The following HMGCS1 variants were observed in gnomAD, a reference collection of about 807,000 sequenced individuals.
HMGCS1 encodes the protein 3-hydroxy-3-methylglutaryl-CoA synthase 1.
HMGCS1 carries 9 observed loss-of-function variants against 52.3 expected under a neutral mutation model. The observed-to-expected ratio is 0.17, with a 90% confidence interval of 0.10 to 0.30. The LOEUF (loss-of-function observed/expected upper bound fraction) is 0.30, where lower values mean the gene tolerates loss of function less well. Ranked by LOEUF, HMGCS1 falls within the 10% of genes least tolerant of loss-of-function variation. HMGCS1 has a pLI of 1.00. For missense variants in HMGCS1, 320 were observed against 620.9 expected (o/e 0.52, Z 5.15); for synonymous variants, 176 against 214.4 (o/e 0.82, Z 1.57).
chr5:43,304,340 G>T (rs1046841237), intron 2 of HMGCS1, among the ~76,000 whole-genome samples: 3 of 152,182 alleles, frequency 2.0e-5, no homozygotes, highest in African/African-American at 7.2e-5. Flanking sequence ...TGGCTCAGTG[G>T]TTTTTAACAC....
At position 43,291,079 on chromosome 5, in the gene HMGCS1, A is replaced by ACCCCCACCCCCATCCCC; in HGVS notation, c.*51_*52insGGGGATGGGGGTGGGGG. On this transcript the variant is annotated 3_prime_UTR_variant, in exon 11 of 11. Transcript: ENST00000325110. ...ATCCCATTCCTCCAACTGTTCCCAT[A>ACCCCCACCCCCATCCCC]CCCCCACCCCATGCCCACCCCACCC... 2 of 780,104 alleles carry ACCCCCACCCCCATCCCC rather than the reference A, an allele frequency of 2.6e-6. No individual in the cohort carries two copies. The highest frequency in any genetic ancestry group is 2.6e-5 in the East Asian group (1 of 38,716). 48.3% of individuals were successfully genotyped at this position (780,104 alleles called of 1,614,324 possible).
At position 43,290,147 on chromosome 5, in the gene HMGCS1, T is replaced by C. The variant is rs1753677322; in HGVS notation, c.*984A>G. The C allele has an allele frequency of 6.6e-6, 1 of 151,686 alleles. No individual in the cohort carries two copies. The highest frequency in any genetic ancestry group is 2.4e-5 in the African/African-American group (1 of 41,154). The allele number at this position is 151,686 out of a possible 1,614,324, so 9.4% of individuals were successfully genotyped here. On this transcript the variant is annotated 3_prime_UTR_variant, in exon 11 of 11. Coordinates refer to ENST00000325110, the MANE Select transcript of HMGCS1 (RefSeq NM_001098272.3). ...AGCTGTGTTACACCATGAATTTAGG[T>C]TGTCAGCCTCTATGTTGAATTTATA...
intron 2 of HMGCS1, among the ~76,000 whole-genome samples, chr5:43,304,030 G>C (rs1339050889): frequency 6.6e-6 from 1 of 152,174 alleles, no homozygotes; most frequent in Non-Finnish European, 1.5e-5. Context: ...TGATAAAGTT[G>C]GTGCCCACTT....
At chr5:43,306,981 C>A (rs1754609041) in intron 2 of HMGCS1, among the ~76,000 whole-genome samples, 1 of 152,014 alleles carries the variant, frequency 6.6e-6, no homozygotes, top group African/African-American at 2.4e-5. Context: ...AAGAGAAGCA[C>A]TCCCTGACAA....
intron 2 of HMGCS1, among the ~76,000 whole-genome samples, chr5:43,299,673 AAATC>A (rs3086309): frequency 0.54 from 79,826 of 148,718 alleles, 22,053 homozygotes; most frequent in Middle Eastern, 0.67. Context: ...GAAAAAGTAA[AAATC>A]AATCAATCAA....
intron 1 of HMGCS1, among the ~76,000 whole-genome samples, chr5:43,308,135 C>T (rs1266861559): frequency 6.6e-6 from 1 of 152,100 alleles, no homozygotes; most frequent in East Asian, 1.9e-4. Context: ...CCAATTGAGG[C>T]TTTAAACCAA....
intron 6 of HMGCS1, 79 bp from the exon 7 acceptor site, chr5:43,294,940 T>C: frequency 1.1e-6 from 1 of 892,242 alleles, no homozygotes; most frequent in Non-Finnish European, 1.7e-6. Flanking sequence ...TAATTAGGAT[T>C]CAAATCTTTA....
Position 43,291,178 on chromosome 5 carries a change from T to G in HMGCS1, c.1516A>C (p.Thr506Pro), listed in dbSNP as rs1561106797. ...PAKKVPRLPA[T>P]AAEPEAAVIS... ...ACAGCTGCTTCAGGTTCTGCTGCTG[T>G]GGCAGGGAGTCTTGGTACTTTCTTG... The change falls in exon 11 of 11, where the codon ACA becomes CCA. Residue 506 changes from threonine to proline, a missense_variant. This residue lies in a region of HMGCS1 where 213 missense variants were observed against 337.4 expected (regional missense o/e 0.63). Coordinates refer to ENST00000325110, the MANE Select transcript of HMGCS1 (RefSeq NM_001098272.3). 1 of 1,602,168 alleles carries G rather than the reference T, an allele frequency of 6.2e-7. No individual in the cohort carries two copies. The highest frequency in any genetic ancestry group is 8.5e-7 in the Non-Finnish European group (1 of 1,172,878).
Position 43,294,173 on chromosome 5 carries a change from T to C in HMGCS1, c.1077-11A>G. The C allele has an allele frequency of 6.5e-7, 1 of 1,528,170 alleles. No individual in the cohort carries two copies. The highest frequency in any genetic ancestry group is 1.1e-5 in the South Asian group (1 of 89,394). The allele number at this position is 1,528,170 out of a possible 1,614,324, so 94.7% of individuals were successfully genotyped here. A position where few individuals can be genotyped will look rare whatever the true frequency, so the allele number is the denominator to read the frequency against. ...TGCTGAGGTGAGTACCTATGTAGGG[T>C]GTAACAATAGTTCAGAAGTTTAACT... On this transcript the variant is annotated splice_polypyrimidine_tract_variant and intron_variant, in intron 7 of 10. Transcript: ENST00000325110.
chr5:43,291,085 A>ACCCCCAACCCCCCCCCC lies in HMGCS1; in HGVS notation c.*45_*46insGGGGGGGGGGTTGGGGG. On this transcript the variant is annotated 3_prime_UTR_variant, in exon 11 of 11. Transcript: ENST00000325110. ...TTCCTCCAACTGTTCCCATACCCCCACCCCATGCCCACCCCACCCTGAAGT... is the reference window on the plus strand; with the variant it reads ...TTCCTCCAACTGTTCCCATACCCCCACCCCCAACCCCCCCCCCCCCCATGCCCACCCCACCCTGAAGT... 1 of 514,254 alleles carries ACCCCCAACCCCCCCCCC rather than the reference A, an allele frequency of 1.9e-6. No homozygotes were observed. 31.9% of individuals were successfully genotyped at this position (514,254 alleles called of 1,614,324 possible).
chr5:43,302,977 A>G lies in HMGCS1; in HGVS notation c.-10-4002T>C, dbSNP rs182151941. Among the ~76,000 whole-genome samples the G allele has an allele frequency of 9.5e-4, 145 of 152,318 alleles. 4 individuals carry two copies. In the South Asian group the frequency reaches 0.019, roughly 20 times the overall value. On this transcript the variant is annotated intron_variant, in intron 2 of 10. Transcript: ENST00000325110. ...TTAGCAATTCCTTATGTGTTTTTTC[A>G]CTTGTGTTTTCCATCTTATTGAATG...
At chr5:43,292,183 G>C (rs1324735626) in intron 10 of HMGCS1, among the ~76,000 whole-genome samples, 1 of 151,788 alleles carries the variant, frequency 6.6e-6, no homozygotes, top group African/African-American at 2.4e-5. Flanking sequence ...AGTAGAGACA[G>C]GGTTTCACCA....
At chr5:43,305,551 C>G (rs1754525516) in intron 2 of HMGCS1, among the ~76,000 whole-genome samples, 2 of 151,958 alleles carry the variant, frequency 1.3e-5, no homozygotes, top group South Asian at 2.1e-4. Context: ...GGGCGGATCA[C>G]TTAAGGTCAG....
At chr5:43,294,539 T>C (rs1479008483) in intron 7 of HMGCS1, 152 bp downstream of exon 7, 15 of 545,574 alleles carry the variant, frequency 2.7e-5, no homozygotes, top group Non-Finnish European at 4.8e-5. Flanking sequence ...AACCCATACA[T>C]CTTTCAAGTC....
At chr5:43,292,723 C>A in intron 9 of HMGCS1, 86 bp from the exon 10 acceptor site, 1 of 1,494,576 alleles carries the variant, frequency 6.7e-7, no homozygotes, top group South Asian at 1.2e-5. Flanking sequence ...TCATATATCC[C>A]AATAATTTTC....
chr5:43,310,476 A>G (rs1579673916), intron 1 of HMGCS1, among the ~76,000 whole-genome samples: 1 of 152,044 alleles, frequency 6.6e-6, no homozygotes, highest in Non-Finnish European at 1.5e-5. Context: ...ATATATTTTG[A>G]TTTTTTGAAA....
chr5:43,299,495 A>G (rs1260496970), intron 2 of HMGCS1, among the ~76,000 whole-genome samples: 5 of 152,070 alleles, frequency 3.3e-5, no homozygotes, highest in African/African-American at 1.2e-4. Flanking sequence ...TAAAAATACA[A>G]AAGAATTAGC....
chr5:43,291,085 A>ACCCCCATCCCCCCCCCC lies in HMGCS1; in HGVS notation c.*45_*46insGGGGGGGGGGATGGGGG. 1.9e-6 allele frequency: 1 copy of ACCCCCATCCCCCCCCCC among 514,252 alleles called. No homozygotes were observed. 31.9% of individuals were successfully genotyped at this position (514,252 alleles called of 1,614,324 possible). Reference sequence around the variant, plus strand: ...TTCCTCCAACTGTTCCCATACCCCCACCCCATGCCCACCCCACCCTGAAGT... The same window carrying ACCCCCATCCCCCCCCCC: ...TTCCTCCAACTGTTCCCATACCCCCACCCCCATCCCCCCCCCCCCCCATGCCCACCCCACCCTGAAGT... On this transcript the variant is annotated 3_prime_UTR_variant, in exon 11 of 11. Transcript: ENST00000325110.
At position 43,297,186 on chromosome 5, in the gene HMGCS1, A is replaced by T. The variant is rs1579644256; in HGVS notation, c.575-20T>A. 2 of 1,600,572 alleles carry T rather than the reference A, an allele frequency of 1.2e-6. No homozygotes were observed. Among genetic ancestry groups the T allele is most frequent in the East Asian group, 2.2e-5 (1 of 44,786 alleles). On this transcript the variant is annotated intron_variant, in intron 4 of 10. Transcript: ENST00000325110. ...GAAGCCCTATTAGAACCAAAAAGGA[A>T]GATGTCTATATATTTCTGCTTCTTG... is the stretch of plus-strand genomic sequence containing the variant.
Sources: allele counts gnomAD v4.1 joint callset (sites outside exome capture counted in the v4.1 genomes callset), GRCh38; gene constraint gnomAD v4.1.1; regional missense constraint gnomAD v4.1.1; transcripts MANE v1.5; gene names NCBI Gene and HGNC (gene_info 2026-07-23, HGNC 2026-07-21).